The following SNRPE variants were observed in gnomAD, a reference collection of about 807,000 sequenced individuals.
The protein encoded by SNRPE is small nuclear ribonucleoprotein polypeptide E.
For synonymous variants in SNRPE, 35 were observed against 36.7 expected (o/e 0.95, Z 0.17); for missense variants, 53 against 111.6 (o/e 0.48, Z 2.36).
chr1:203,863,686 C>G lies in SNRPE; in HGVS notation c.105C>G (p.Leu35=). 6.2e-7 allele frequency: 1 copy of G among 1,611,474 alleles called. No individual in the cohort carries two copies. Among genetic ancestry groups the G allele is most frequent in the Non-Finnish European group, 8.5e-7 (1 of 1,177,730 alleles). The change falls in exon 3 of 5, where the codon CTC becomes CTG. Residue 35 remains leucine, a synonymous_variant. Transcript: ENST00000414487. ...LQNRSRIQVW[L]YEQVNMRIEG... ...AGAGATCGCGGATTCAGGTGTGGCT[C>G]TATGAGCAAGTGAATATGCGGATAG...
rs763418950 is a variant in SNRPE at position 203,863,735 on chromosome 1, C to A, written c.144+10C>A. ...AGAAGGCTGTATCATTGTGAGTATC[C>A]AGGCGATTTCATCTCATAGCAGTTC... On this transcript the variant is annotated intron_variant, in intron 3 of 4. Transcript: ENST00000414487. 5 of 1,560,544 alleles carry A rather than the reference C, an allele frequency of 3.2e-6. No individual in the cohort carries two copies. In the South Asian group the frequency reaches 5.6e-5, roughly 17 times the overall value.
chr1:203,864,580 A>G (rs1690047438), intron 3 of SNRPE, among the ~76,000 whole-genome samples: 1 of 152,098 alleles, frequency 6.6e-6, no homozygotes, highest in Non-Finnish European at 1.5e-5. Flanking sequence ...AGGTCCAGCT[A>G]ATTTTTAAAT....
intron 4 of SNRPE, among the ~76,000 whole-genome samples, chr1:203,869,157 A>C (rs962393256): frequency 2.0e-5 from 3 of 152,214 alleles, no homozygotes; most frequent in Non-Finnish European, 4.4e-5. Flanking sequence ...GAGTTGATCA[A>C]CGTGTCTCAA....
At chr1:203,864,643 G>A (rs926231884) in intron 3 of SNRPE, among the ~76,000 whole-genome samples, 16 of 152,074 alleles carry the variant, frequency 1.1e-4, no homozygotes, top group Non-Finnish European at 1.3e-4. Flanking sequence ...TAGGGAGGCC[G>A]AGCATGATGA....
chr1:203,867,456 C>T (rs187011937), intron 4 of SNRPE, among the ~76,000 whole-genome samples: 5 of 152,206 alleles, frequency 3.3e-5, no homozygotes, highest in African/African-American at 1.2e-4. Context: ...AATAATTATA[C>T]AACTCACCAT....
chr1:203,867,046 G>A (rs984159888), intron 4 of SNRPE, among the ~76,000 whole-genome samples: 1 of 148,952 alleles, frequency 6.7e-6, no homozygotes, highest in South Asian at 2.1e-4. Context: ...CGAGGCGGGT[G>A]GATTACGAGG....
chr1:203,864,856 G>A (rs1379829153), intron 3 of SNRPE, among the ~76,000 whole-genome samples, 185 bp from the exon 4 acceptor site: 3 of 114,530 alleles, frequency 2.6e-5, no homozygotes, highest in Non-Finnish European at 5.1e-5. Context: ...TAGCCTGGAA[G>A]ACAAAGTGAG....
chr1:203,866,827 C>T (rs1690096678), intron 4 of SNRPE, among the ~76,000 whole-genome samples: 1 of 151,994 alleles, frequency 6.6e-6, no homozygotes, highest in East Asian at 1.9e-4. Flanking sequence ...TCCCTCTGCT[C>T]ATCTCGTATC....
chr1:203,869,800 A>C, intron 4 of SNRPE, 77 bp from the exon 5 acceptor site: 1 of 1,006,840 alleles, frequency 9.9e-7, no homozygotes, highest in Non-Finnish European at 1.5e-6. Flanking sequence ...ATTGTTCAAA[A>C]ACTGGATACA....
At chr1:203,866,843 C>G (rs112404724) in intron 4 of SNRPE, among the ~76,000 whole-genome samples, 11 of 152,016 alleles carry the variant, frequency 7.2e-5, no homozygotes, top group African/African-American at 2.4e-4. Context: ...GTATCACTGC[C>G]TCACTTTCTG....
At chr1:203,862,753 C>T (rs1690002947) in intron 2 of SNRPE, among the ~76,000 whole-genome samples, 1 of 152,124 alleles carries the variant, frequency 6.6e-6, no homozygotes, top group Admixed American at 6.5e-5. Context: ...TGTGATAACA[C>T]AACTGAAAAA....
intron 4 of SNRPE, among the ~76,000 whole-genome samples, chr1:203,869,051 A>T (rs532211053): frequency 6.5e-4 from 99 of 152,308 alleles, no homozygotes; most frequent in African/African-American, 2.3e-3. Context: ...ATTATTTACC[A>T]ACTGTTGAAT....
At chr1:203,868,652 T>G (rs1398763185) in intron 4 of SNRPE, among the ~76,000 whole-genome samples, 3 of 152,086 alleles carry the variant, frequency 2.0e-5, no homozygotes, top group African/African-American at 7.2e-5. Context: ...GCCTGGGTTT[T>G]TTAGATTTAT....
chr1:203,869,858 T>G lies in SNRPE; in HGVS notation c.224-19T>G. The G allele has an allele frequency of 6.3e-7, 1 of 1,589,422 alleles. No homozygotes were observed. The highest frequency in any genetic ancestry group is 2.3e-5 in the East Asian group (1 of 44,296). ...GAGTGTGTGGCTATTAATAGCTTTT[T>G]GTTGTTTTTGTGTTGCAGGTCGGAT... On this transcript the variant is annotated intron_variant, in intron 4 of 4. Coordinates refer to ENST00000414487, the MANE Select transcript of SNRPE (RefSeq NM_003094.4).
intron 4 of SNRPE, among the ~76,000 whole-genome samples, chr1:203,869,317 T>G (rs1690164362): frequency 2.0e-5 from 1 of 51,040 alleles, no homozygotes; most frequent in Admixed American, 2.1e-4. Context: ...TTTTTTTTTT[T>G]TTTTTTGGAG....
intron 1 of SNRPE, chr1:203,861,990 A>G (rs747203205): frequency 3.1e-5 from 19 of 613,696 alleles, no homozygotes; most frequent in Non-Finnish European, 5.3e-5. Context: ...CGGTTTTGGG[A>G]AACTCCAGGG....
Position 203,863,689 on chromosome 1 carries a change from T to C in SNRPE, c.108T>C (p.Tyr36=), listed in dbSNP as rs1009499247. ...QNRSRIQVWL[Y]EQVNMRIEGC... Reference sequence around the variant, plus strand: ...GATCGCGGATTCAGGTGTGGCTCTATGAGCAAGTGAATATGCGGATAGAAG... The same window carrying C: ...GATCGCGGATTCAGGTGTGGCTCTACGAGCAAGTGAATATGCGGATAGAAG... Residue 36 remains tyrosine, a synonymous_variant, in exon 3 of 5, where the codon TAT becomes TAC. Transcript: ENST00000414487. 3.1e-6 allele frequency: 5 copies of C among 1,611,182 alleles called. No individual in the cohort carries two copies. The highest frequency in any genetic ancestry group is 4.2e-6 in the Non-Finnish European group (5 of 1,177,354).
chr1:203,862,349 T>C (rs1445466997), intron 2 of SNRPE, 127 bp downstream of exon 2: 1 of 713,840 alleles, frequency 1.4e-6, no homozygotes, highest in African/African-American at 1.8e-5. Context: ...GATTGGAGGG[T>C]AATTGAGGGG....
chr1:203,863,519 C>G, intron 2 of SNRPE, 144 bp from the exon 3 acceptor site: 1 of 621,230 alleles, frequency 1.6e-6, no homozygotes. Flanking sequence ...TGGGGTTTCA[C>G]CATGTTAACG....
Sources: allele counts gnomAD v4.1 joint callset (sites outside exome capture counted in the v4.1 genomes callset), GRCh38; gene constraint gnomAD v4.1.1; transcripts MANE v1.5; gene names NCBI Gene and HGNC (gene_info 2026-07-23, HGNC 2026-07-21).